The following CTDSP2 variants were observed in gnomAD, a reference collection of about 807,000 sequenced individuals.
CTDSP2 encodes the protein carboxy-terminal domain RNA polymerase II polypeptide A small phosphatase 2.
A neutral mutation model predicts 31.6 loss-of-function variants in CTDSP2; 9 were observed. The observed-to-expected ratio is 0.28, with a 90% CI of 0.17 to 0.50. CTDSP2 has a LOEUF of 0.50. Ranked by LOEUF, CTDSP2 falls within the 20% of genes least tolerant of loss-of-function variation. The pLI is 0.98. For missense variants in CTDSP2, 267 were observed against 348.5 expected, an observed-to-expected ratio of 0.77 and a Z score of 1.86; for synonymous variants, 134 against 134.5, an observed-to-expected ratio of 1.00 and a Z score of 0.03.
At position 57,835,225 on chromosome 12, in the gene CTDSP2, A is replaced by G. The variant is rs1329934580; in HGVS notation, c.65-5629T>C. 3.3e-5 allele frequency among the ~76,000 whole-genome samples: 5 copies of G among 150,612 alleles called. No homozygotes were observed. In the East Asian group the frequency reaches 9.9e-4, roughly 30 times the overall value. On this transcript the variant is annotated intron_variant, in intron 1 of 7. Coordinates refer to ENST00000398073, the MANE Select transcript of CTDSP2 (RefSeq NM_005730.4). ...TGCCTATAATCCCTGCTACTTGGGA[A>G]GCTGAGGCAGGAGAATTGCTTGAAC...
At chr12:57,827,803 G>A (rs1215949442) in intron 2 of CTDSP2, among the ~76,000 whole-genome samples, 1 of 152,188 alleles carries the variant, frequency 6.6e-6, no homozygotes, top group Non-Finnish European at 1.5e-5. Context: ...GATGAAGGAT[G>A]GAGAAGACAA....
intron 1 of CTDSP2, among the ~76,000 whole-genome samples, chr12:57,833,721 G>A (rs188607744): frequency 3.9e-5 from 6 of 152,328 alleles, no homozygotes; most frequent in Non-Finnish European, 7.4e-5. Context: ...AGGACCTGGG[G>A]AAGCCTCCAC....
intron 1 of CTDSP2, among the ~76,000 whole-genome samples, chr12:57,844,609 G>C (rs1030088836): frequency 6.6e-6 from 1 of 151,906 alleles, no homozygotes; most frequent in African/African-American, 2.4e-5. Flanking sequence ...GTCTTTTCCT[G>C]GGATAAAAAG....
At chr12:57,835,315 C>T (rs923896535) in intron 1 of CTDSP2, among the ~76,000 whole-genome samples, 2 of 149,982 alleles carry the variant, frequency 1.3e-5, no homozygotes, top group African/African-American at 4.9e-5. Context: ...GCAACAAGAG[C>T]GAAAATCCGT....
intron 1 of CTDSP2, among the ~76,000 whole-genome samples, chr12:57,844,536 C>T (rs1956301877): frequency 6.6e-6 from 1 of 152,136 alleles, no homozygotes; most frequent in African/African-American, 2.4e-5. Context: ...CCCTACTCAT[C>T]ACCACTGCCC....
chr12:57,832,462 C>G (rs909999687), intron 1 of CTDSP2, among the ~76,000 whole-genome samples: 1 of 152,034 alleles, frequency 6.6e-6, no homozygotes, highest in Non-Finnish European at 1.5e-5. Context: ...TCAAGACCAG[C>G]CTGGGCAACA....
chr12:57,820,684 G>A lies in CTDSP2; in HGVS notation c.*2918C>T, dbSNP rs1473311837. On this transcript the variant is annotated 3_prime_UTR_variant, in exon 8 of 8. Coordinates refer to ENST00000398073, the MANE Select transcript of CTDSP2 (RefSeq NM_005730.4). ...CTAAACAGAAGGTCCCATGTTAACT[G>A]AAGGCAAATTCACTCAACCTCTCTA... 6.6e-6 allele frequency: 1 copy of A among 152,612 alleles called. No homozygotes were observed. Among genetic ancestry groups the A allele is most frequent in the Non-Finnish European group, 1.5e-5 (1 of 68,048 alleles). 9.5% of individuals were successfully genotyped at this position (152,612 alleles called of 1,614,324 possible). A position where few individuals can be genotyped will look rare whatever the true frequency, so the allele number is the denominator to read the frequency against.
rs192597051 is a variant in CTDSP2, at chr12:57,823,955, G to C, written c.639C>G (p.Thr213=). 12 of 1,614,078 alleles carry C rather than the reference G, an allele frequency of 7.4e-6. 1 individual carries two copies. In the South Asian group the frequency reaches 1.3e-4, roughly 18 times the overall value. The change falls in exon 7 of 8, where the codon ACC becomes ACG. Residue 213 remains threonine, a synonymous_variant. Coordinates refer to ENST00000398073, the MANE Select transcript of CTDSP2 (RefSeq NM_005730.4). ...LSRLGRDLRK[T]LILDNSPASY... ...AAGCAGGCGAGTTGTCCAGGATGAGGGTCTTTCTCAGGTCCCTCCCCAGGC... is the reference window on the plus strand; with the variant it reads ...AAGCAGGCGAGTTGTCCAGGATGAGCGTCTTTCTCAGGTCCCTCCCCAGGC...
intron 1 of CTDSP2, among the ~76,000 whole-genome samples, chr12:57,841,476 A>G (rs1354787759): frequency 6.6e-6 from 1 of 152,224 alleles, no homozygotes; most frequent in African/African-American, 2.4e-5. Context: ...AGAACCTCTA[A>G]GGAAGTTTAG....
intron 1 of CTDSP2, among the ~76,000 whole-genome samples, chr12:57,832,572 G>A (rs1017278387): frequency 1.3e-5 from 2 of 151,928 alleles, no homozygotes; most frequent in African/African-American, 2.4e-5. Context: ...TGGGCGGATC[G>A]CCTGAGGTCA....
chr12:57,840,711 A>G (rs947743342), intron 1 of CTDSP2, among the ~76,000 whole-genome samples: 3 of 151,992 alleles, frequency 2.0e-5, no homozygotes, highest in Non-Finnish European at 4.4e-5. Context: ...GCAAGAAATA[A>G]AAGAAGGTAT....
intron 2 of CTDSP2, 32 bp from the exon 3 acceptor site, chr12:57,827,622 C>T (rs905546113): frequency 1.9e-6 from 3 of 1,607,876 alleles, no homozygotes; most frequent in African/African-American, 1.3e-5. Flanking sequence ...TCAGTGCCAT[C>T]TCACTGCCTT....
At chr12:57,826,956 C>A in intron 4 of CTDSP2, 40 bp downstream of exon 4, 1 of 1,459,414 alleles carries the variant, frequency 6.9e-7, no homozygotes. Context: ...CACAAGAAGG[C>A]CCAAGATAAA....
rs1565844419 is a variant in CTDSP2 at position 57,826,372 on chromosome 12, T to C, written c.385A>G (p.Ile129Val). ...PINNADFIVP[I>V]EIEGTTHQVY... ...TGGTGAGTGGTCCCCTCAATCTCTA[T>C]AGGCACTATGAAGTCAGCATTGTTG... Residue 129 changes from isoleucine (I) to valine (V), a missense_variant, in exon 5 of 8, where the codon ATA (isoleucine) becomes GTA (valine). By Grantham distance (29) the Ile-to-Val change is conservative (BLOSUM62 3). Around this residue, in one of 2 missense-constraint regions of CTDSP2, gnomAD observed 156 missense variants for 241.3 expected, o/e 0.65. Transcript: ENST00000398073. 1.2e-6 allele frequency: 2 copies of C among 1,614,142 alleles called. No homozygotes were observed. The highest frequency in any genetic ancestry group is 1.1e-5 in the South Asian group (1 of 91,078).
intron 7 of CTDSP2, 42 bp downstream of exon 7, chr12:57,823,862 C>A: frequency 6.2e-7 from 1 of 1,610,568 alleles, no homozygotes; most frequent in Non-Finnish European, 8.5e-7. Context: ...AGTCTGCTTC[C>A]TCTCCCAATC....
rs771980994 is a variant in CTDSP2, at chr12:57,827,032, A to G, written c.318T>C (p.Ile106=). The G allele has an allele frequency of 1.2e-6, 2 of 1,613,898 alleles. No individual in the cohort carries two copies. The highest frequency in any genetic ancestry group is 1.7e-5 in the Admixed American group (1 of 60,022). The change falls in exon 4 of 8, where the codon ATT becomes ATC. Residue 106 remains isoleucine (I), a synonymous_variant. Coordinates refer to ENST00000398073, the MANE Select transcript of CTDSP2 (RefSeq NM_005730.4). ...EEDQGRICVV[I]DLDETLVHSS... is the part of the protein sequence containing the mutation. Reference sequence around the variant, plus strand: ...TATGCACAAGGGTTTCATCGAGGTCAATGACCACACAGATCCTTCCTTGAT... The same window carrying G: ...TATGCACAAGGGTTTCATCGAGGTCGATGACCACACAGATCCTTCCTTGAT...
chr12:57,840,259 T>A (rs564678735), intron 1 of CTDSP2, among the ~76,000 whole-genome samples: 1 of 152,328 alleles, frequency 6.6e-6, no homozygotes, highest in South Asian at 2.1e-4. Flanking sequence ...CACAGGAGAC[T>A]CTGATGTGTG....
At chr12:57,824,838 G>C (rs548486133) in intron 5 of CTDSP2, 2 of 359,092 alleles carry the variant, frequency 5.6e-6, no homozygotes, top group Admixed American at 6.9e-5. Context: ...CTCTGCACCC[G>C]ATCTTGTGCT....
chr12:57,834,808 T>C (rs1239073109), intron 1 of CTDSP2, among the ~76,000 whole-genome samples: 6 of 152,112 alleles, frequency 3.9e-5, no homozygotes, highest in African/African-American at 4.8e-5. Context: ...CCCACAGCGA[T>C]TTCCTTCTTT....
Sources: allele counts gnomAD v4.1 joint callset (sites outside exome capture counted in the v4.1 genomes callset), GRCh38; gene constraint gnomAD v4.1.1; regional missense constraint gnomAD v4.1.1; transcripts MANE v1.5; gene names NCBI Gene and HGNC (gene_info 2026-07-23, HGNC 2026-07-21).